The following MBD3 variants were observed in gnomAD, a reference collection of about 807,000 sequenced individuals.
The protein encoded by MBD3 is methyl-CpG-binding domain protein 3.
A neutral mutation model predicts 31.2 loss-of-function variants in MBD3; 13 were observed. The observed-to-expected ratio is 0.42, with a 90% CI of 0.27 to 0.66. The LOEUF (loss-of-function observed/expected upper bound fraction) is 0.66. MBD3 is among the 30% of genes least tolerant of loss of function. The pLI is 0.26. For synonymous variants in MBD3, 223 were observed against 187.4 expected, an observed-to-expected ratio of 1.19 and a Z score of -1.55; for missense variants, 440 against 426.5, an observed-to-expected ratio of 1.03 and a Z score of -0.28.
rs199983089 is a variant in MBD3, at chr19:1,581,157, G to A, written c.612C>T (p.Pro204=). 1.5e-5 allele frequency: 24 copies of A among 1,614,126 alleles called. No homozygotes were observed. The highest frequency in any genetic ancestry group is 4.5e-5 in the East Asian group (2 of 44,868). The part of the protein sequence containing the change: ...GQLSAAVEKN[P]GVWLNTTQPL... ...GCTGCGTGGTGTTGAGCCATACGCCGGGGTTCTTCTCCACGGCGGCCGAGA... is the reference window on the plus strand; with the variant it reads ...GCTGCGTGGTGTTGAGCCATACGCCAGGGTTCTTCTCCACGGCGGCCGAGA... The change falls in exon 5 of 7, where the codon CCC becomes CCT. Residue 204 remains proline, a synonymous_variant. Transcript: ENST00000434436.
Position 1,585,369 on chromosome 19 carries a change from C to CT in MBD3, c.111-156dup. ...CCCTGACCCCAAACCCAGGCAGGCCCTGGCCCCAGCCCCAGACCCCAACCC... is the reference window on the plus strand; with the variant it reads ...CCCTGACCCCAAACCCAGGCAGGCCCTTGGCCCCAGCCCCAGACCCCAACCC... On this transcript the variant is annotated intron_variant, in intron 1 of 6. Coordinates refer to ENST00000434436, the MANE Select transcript of MBD3 (RefSeq NM_001281453.2). The surrounding 1 kb of genome is among the most constrained non-coding windows in gnomAD (Gnocchi z 4.1). 1.3e-6 allele frequency: 1 copy of CT among 790,598 alleles called. No homozygotes were observed. Among genetic ancestry groups the CT allele is most frequent in the Non-Finnish European group, 2.0e-6 (1 of 504,350 alleles). 49.0% of individuals were successfully genotyped at this position (790,598 alleles called of 1,614,324 possible). A position where few individuals can be genotyped will look rare whatever the true frequency, so the allele number is the denominator to read the frequency against.
At chr19:1,582,853 G>A in intron 3 of MBD3, 141 bp from the exon 4 acceptor site, 2 of 721,936 alleles carry the variant, frequency 2.8e-6, no homozygotes, top group South Asian at 1.5e-5. Flanking sequence ...CACTGCCTTG[G>A]GTCTCCAGAC....
In MBD3 at chr19:1,578,340, C is replaced by T. The variant is rs1305624176; in HGVS notation, c.876G>A (p.Ter292=). 6.2e-7 allele frequency: 1 copy of T among 1,602,878 alleles called. No individual in the cohort carries two copies. Among genetic ancestry groups the T allele is most frequent in the African/African-American group, 1.3e-5 (1 of 74,916 alleles). Residue 292 remains the stop codon, a stop_retained_variant, in exon 6 of 7, where the codon TAG becomes TAA. Coordinates refer to ENST00000434436, the MANE Select transcript of MBD3 (RefSeq NM_001281453.2). The surrounding 1 kb of genome is among the most constrained non-coding windows in gnomAD (Gnocchi z 6.1). ...PDPDPEMEHV[*] ...CCCCCGTGGCCCCGCAGCACCTGCC[C>T]TAGACGTGCTCCATCTCCGGGTCCG...
chr19:1,590,565 C>T (rs1336172173), intron 1 of MBD3, among the ~76,000 whole-genome samples: 1 of 151,904 alleles, frequency 6.6e-6, no homozygotes, highest in East Asian at 1.9e-4. Context: ...ATGCGTAAGC[C>T]GTGATTGTAC....
At chr19:1,582,340 A>C (rs2060656391) in intron 4 of MBD3, among the ~76,000 whole-genome samples, 1 of 152,204 alleles carries the variant, frequency 6.6e-6, no homozygotes, top group South Asian at 2.1e-4. Context: ...GCAAAACTGC[A>C]CGTCCTGCAG....
rs1375332602 is a variant in MBD3, at chr19:1,576,361, GCTTCC to G, written c.*1798_*1802del. 1.3e-5 allele frequency: 2 copies of G among 152,306 alleles called. No homozygotes were observed. Among genetic ancestry groups the G allele is most frequent in the African/African-American group, 4.8e-5 (2 of 41,462 alleles). 9.4% of individuals were successfully genotyped at this position (152,306 alleles called of 1,614,324 possible). A position where few individuals can be genotyped will look rare whatever the true frequency, so the allele number is the denominator to read the frequency against. The stretch of plus-strand genomic sequence containing the variant: ...CCCTCCCTGCCAGGCAGCCCCTCCT[GCTTCC>G]CTTCCTTTGGAAGGAGCGGTGCTGG... On this transcript the variant is annotated 3_prime_UTR_variant, in exon 7 of 7. Transcript: ENST00000434436.
Position 1,584,624 on chromosome 19 carries a change from G to T in MBD3, c.324C>A (p.Phe108Leu), listed in dbSNP as rs1285024846. The stretch of plus-strand genomic sequence containing the variant: ...TGGTAATCTTGGTCACCGGCTGCTT[G>T]AAGATGGACGCCGTCTGGCGCACGG... ...ALPVRQTASI[F>L]KQPVTKITNH... The change falls in exon 3 of 7, where the codon TTC becomes TTA. Residue 108 changes from phenylalanine to leucine, a missense_variant. Physicochemically the swap from Phe to Leu is conservative, Grantham distance 22. Transcript: ENST00000434436. 2 of 1,613,850 alleles carry T rather than the reference G, an allele frequency of 1.2e-6. No individual in the cohort carries two copies. The highest frequency in any genetic ancestry group is 1.7e-6 in the Non-Finnish European group (2 of 1,179,942).
At chr19:1,580,325 G>C (rs1917322019) in intron 5 of MBD3, among the ~76,000 whole-genome samples, 1 of 152,198 alleles carries the variant, frequency 6.6e-6, no homozygotes, top group Non-Finnish European at 1.5e-5. Flanking sequence ...AGGTCCATCT[G>C]TTCACCCTGT....
chr19:1,592,547 C>T lies in MBD3; in HGVS notation c.85G>A (p.Gly29Ser), dbSNP rs774611795. ...EVPRRSGLSA[G>S]HRDVFYYSPS... is the part of the protein sequence containing the mutation. ...CTATAGTAAAAGACATCCCTGTGGC[C>T]GGCCGACAGCCCCGACCTTCTGGGC... is the stretch of plus-strand genomic sequence containing the variant. The change falls in exon 1 of 7, where the codon GGC (glycine) becomes AGC (serine). Residue 29 changes from glycine to serine, a missense_variant. By Grantham distance (56) the Gly-to-Ser change is moderately conservative. Transcript: ENST00000434436. 8 of 1,439,054 alleles carry T rather than the reference C, an allele frequency of 5.6e-6. No homozygotes were observed. The highest frequency in any genetic ancestry group is 1.9e-5 in the Admixed American group (1 of 51,306). The allele number at this position is 1,439,054 out of a possible 1,614,324, so 89.1% of individuals were successfully genotyped here.
rs111262426 is a variant in MBD3, at chr19:1,592,602, C to A, written c.30G>T (p.Ala10=). ...CTTCCCTCTCCCAGCCCTGCGGGAG[C>A]GCCGGGCACTCCCACCTCTTCCGCT... MERKRWECP[A]LPQGWEREEV... Residue 10 remains alanine (A), a synonymous_variant, in exon 1 of 7, where the codon GCG becomes GCT. Transcript: ENST00000434436. 8.6e-6 allele frequency: 12 copies of A among 1,403,398 alleles called. No homozygotes were observed. In the Middle Eastern group the frequency reaches 7.8e-4, roughly 91 times the overall value. 86.9% of individuals were successfully genotyped at this position (1,403,398 alleles called of 1,614,324 possible).
In MBD3 at chr19:1,585,016, G is replaced by T; in HGVS notation, c.270+39C>A. On this transcript the variant is annotated intron_variant, in intron 2 of 6. Transcript: ENST00000434436. The surrounding 1 kb of genome is among the most constrained non-coding windows in gnomAD (Gnocchi z 4.1). The stretch of plus-strand genomic sequence containing the variant: ...TCATGGCCGCGTCCCCGCCTAGAAC[G>T]CCCCGCGCCGACGTCACCTGCGTGA... 1 of 1,604,958 alleles carries T rather than the reference G, an allele frequency of 6.2e-7. No individual in the cohort carries two copies. The highest frequency in any genetic ancestry group is 8.5e-7 in the Non-Finnish European group (1 of 1,178,692).
chr19:1,578,666 C>CTGGT lies in MBD3; in HGVS notation c.678-129_678-128insACCA. On this transcript the variant is annotated intron_variant, in intron 5 of 6. Coordinates refer to ENST00000434436, the MANE Select transcript of MBD3 (RefSeq NM_001281453.2). The surrounding 1 kb of genome is among the most constrained non-coding windows in gnomAD (Gnocchi z 6.1). Reference sequence around the variant, plus strand: ...TCCACAGGCACCCCCCCAGGACCAGCCCTGGCCCGTGCCACCCCTCCCTTC... The same window carrying CTGGT: ...TCCACAGGCACCCCCCCAGGACCAGCTGGTCCTGGCCCGTGCCACCCCTCCCTTC... 6.4e-7 allele frequency: 1 copy of CTGGT among 1,566,476 alleles called. No homozygotes were observed. The highest frequency in any genetic ancestry group is 8.7e-7 in the Non-Finnish European group (1 of 1,153,618).
Position 1,585,569 on chromosome 19 carries a change from C to A in MBD3, c.111-355G>T. 6.1e-6 allele frequency: 2 copies of A among 325,214 alleles called. No homozygotes were observed. The highest frequency in any genetic ancestry group is 3.1e-5 in the South Asian group (1 of 32,240). The allele number at this position is 325,214 out of a possible 1,614,324, so 20.1% of individuals were successfully genotyped here. On this transcript the variant is annotated intron_variant, in intron 1 of 6. Coordinates refer to ENST00000434436, the MANE Select transcript of MBD3 (RefSeq NM_001281453.2). The surrounding 1 kb of genome is among the most constrained non-coding windows in gnomAD (Gnocchi z 4.1). Reference sequence around the variant, plus strand: ...AACCCCGGTCCCCTCTGAATCCTCCCCACCGTAGGCCCTGGCAGCGTCAGG... The same window carrying A: ...AACCCCGGTCCCCTCTGAATCCTCCACACCGTAGGCCCTGGCAGCGTCAGG...
intron 2 of MBD3, 109 bp downstream of exon 2, chr19:1,584,946 A>C: frequency 6.9e-7 from 1 of 1,459,384 alleles, no homozygotes; most frequent in South Asian, 1.2e-5. Context: ...GCCCGCTGTG[A>C]CCTCCTGCGC....
chr19:1,589,022 CTG>C (rs763777098), intron 1 of MBD3, among the ~76,000 whole-genome samples: 51 of 152,230 alleles, frequency 3.4e-4, no homozygotes, highest in Non-Finnish European at 4.6e-4. Flanking sequence ...GTACATAAAA[CTG>C]TATCTCGATA....
intron 2 of MBD3, 65 bp from the exon 3 acceptor site, chr19:1,584,742 G>A: frequency 2.0e-5 from 31 of 1,530,282 alleles, no homozygotes; most frequent in Non-Finnish European, 2.7e-5. Flanking sequence ...CTCAGGGGGT[G>A]CGGGGCCCGG....
At chr19:1,580,993 G>A (rs1252730592) in intron 5 of MBD3, 99 bp downstream of exon 5, 29 of 1,432,844 alleles carry the variant, frequency 2.0e-5, no homozygotes, top group South Asian at 1.4e-4. Flanking sequence ...CAGCAGCATC[G>A]TGGGGAGACG....
chr19:1,589,565 A>G (rs1016629176), intron 1 of MBD3, among the ~76,000 whole-genome samples: 2 of 152,068 alleles, frequency 1.3e-5, no homozygotes, highest in African/African-American at 2.4e-5. Context: ...AGGCAGGAGA[A>G]TCGCTTGAAC....
At chr19:1,583,837 T>C (rs1008676352) in intron 3 of MBD3, among the ~76,000 whole-genome samples, 1 of 152,218 alleles carries the variant, frequency 6.6e-6, no homozygotes, top group African/African-American at 2.4e-5. Flanking sequence ...TTATTTTATT[T>C]TTGAGACCGG....
Sources: allele counts gnomAD v4.1 joint callset (sites outside exome capture counted in the v4.1 genomes callset), GRCh38; gene constraint gnomAD v4.1.1; non-coding constraint Gnocchi (gnomAD v3.1); transcripts MANE v1.5; gene names NCBI Gene and HGNC (gene_info 2026-07-23, HGNC 2026-07-21).